Variants in ITGB5 observed in about 807,000 individuals in gnomAD.
ITGB5 encodes the protein integrin subunit beta 5, also known as integrin beta-5.
Under a neutral mutation model 84.8 loss-of-function variants are expected in ITGB5, and 38 were observed. The ratio of observed to expected loss-of-function variants is 0.45; its 90% CI spans 0.35 to 0.59. ITGB5 has a LOEUF of 0.59. ITGB5 is among the 20% of genes least tolerant of loss of function. ITGB5 has a pLI of 0.01. For missense variants in ITGB5, 905 were observed against 1,034.5 expected (o/e 0.87, Z 1.72); for synonymous variants, 393 against 414.4 (o/e 0.95, Z 0.63).
At chr3:124,780,149 G>A (rs1465384101) in intron 10 of ITGB5, among the ~76,000 whole-genome samples, 1 of 121,786 alleles carries the variant, frequency 8.2e-6, no homozygotes, top group Admixed American at 7.7e-5. Flanking sequence ...GCAGGGCACA[G>A]GGACCATGGG....
chr3:124,788,907 C>T (rs1467523050), intron 10 of ITGB5, among the ~76,000 whole-genome samples: 2 of 152,192 alleles, frequency 1.3e-5, no homozygotes, highest in Non-Finnish European at 2.9e-5. Flanking sequence ...AGCCTAGGTT[C>T]ATTCAAAAGG....
rs115295913 is a variant in ITGB5 at position 124,843,471 on chromosome 3, C to T, written c.612-1920G>A. Among the ~76,000 whole-genome samples the T allele has an allele frequency of 5.4e-3, 827 of 152,316 alleles. 10 individuals carry two copies. Among genetic ancestry groups the T allele is most frequent in the African/African-American group, 0.019 (787 of 41,564 alleles). On this transcript the variant is annotated intron_variant, in intron 4 of 14. Transcript: ENST00000296181. ...CTCAGCTACAGCTCAGCATGTTTTACCTCCTCCCTTTCACTCCCGCAAACA... is the reference window on the plus strand; with the variant it reads ...CTCAGCTACAGCTCAGCATGTTTTATCTCCTCCCTTTCACTCCCGCAAACA...
upstream of ITGB5, among the ~76,000 whole-genome samples, chr3:124,889,727 T>A (rs890576327): frequency 3.3e-5 from 5 of 152,190 alleles, no homozygotes; most frequent in East Asian, 5.8e-4. Context: ...TGATTATAAA[T>A]AATGGGGCCA....
chr3:124,804,521 C>CT (rs1435755585), intron 9 of ITGB5, among the ~76,000 whole-genome samples: 2 of 151,932 alleles, frequency 1.3e-5, no homozygotes, highest in Non-Finnish European at 2.9e-5. Flanking sequence ...GTACTGCAGC[C>CT]TGGTAACAAG....
At chr3:124,802,955 G>C (rs928704771) in intron 9 of ITGB5, among the ~76,000 whole-genome samples, 3 of 152,058 alleles carry the variant, frequency 2.0e-5, no homozygotes, top group South Asian at 2.1e-4. Flanking sequence ...GGGCCAGCTC[G>C]GGTCAGTTGC....
At position 124,894,196 on chromosome 3, in the gene ITGB5, G is replaced by A. The variant is rs563812769; in HGVS notation, c.-255+7070C>T. 2.1e-3 allele frequency among the ~76,000 whole-genome samples: 286 copies of A among 135,128 alleles called. 2 individuals carry two copies. The highest frequency in any genetic ancestry group is 3.0e-3 in the Non-Finnish European group (192 of 65,060). 88.6% of individuals were successfully genotyped at this position (135,128 alleles called of 152,430 possible). ...CACCCAGGCTGGAGTGCAGTGGCAC[G>A]ATCTCGGCTCACTGCAAGCTCCGCC... On this transcript the variant is annotated intron_variant, in intron 1 of 4. Coordinates refer to the ITGB5 transcript ENST00000608657.
At chr3:124,856,311 T>C (rs879745158) in intron 3 of ITGB5, among the ~76,000 whole-genome samples, 1 of 152,236 alleles carries the variant, frequency 6.6e-6, no homozygotes, top group Non-Finnish European at 1.5e-5. Context: ...TATTAAAGTG[T>C]GGACATCTTT....
At chr3:124,773,974 C>CTGG in intron 10 of ITGB5, 62 bp from the exon 11 acceptor site, 1 of 1,449,738 alleles carries the variant, frequency 6.9e-7, no homozygotes. Flanking sequence ...ACATAACCAT[C>CTGG]TGGTGCCCCA....
At chr3:124,893,449 A>C (rs966120924) in intron 1 of ITGB5, among the ~76,000 whole-genome samples, 9 of 152,134 alleles carry the variant, frequency 5.9e-5, no homozygotes, top group Middle Eastern at 3.2e-3. Flanking sequence ...TTATTTGAAA[A>C]ATACCAAATT....
At chr3:124,764,051 C>G (rs559702060) in intron 14 of ITGB5, among the ~76,000 whole-genome samples, 1 of 152,286 alleles carries the variant, frequency 6.6e-6, no homozygotes, top group Middle Eastern at 3.4e-3. Context: ...CTGGGGTGAC[C>G]AGACTGCAGG....
At chr3:124,823,608 C>T (rs1049428737) in intron 5 of ITGB5, among the ~76,000 whole-genome samples, 3 of 148,902 alleles carry the variant, frequency 2.0e-5, no homozygotes, top group Non-Finnish European at 3.0e-5. Flanking sequence ...GAGCATTTAT[C>T]GAGATGTATA....
chr3:124,900,464 T>C (rs1935193842), intron 1 of ITGB5, among the ~76,000 whole-genome samples: 1 of 152,248 alleles, frequency 6.6e-6, no homozygotes, highest in African/African-American at 2.4e-5. Flanking sequence ...GCAGAGAATT[T>C]CCTTATTGGC....
At chr3:124,839,140 A>G (rs1429380559) in intron 5 of ITGB5, among the ~76,000 whole-genome samples, 1 of 152,374 alleles carries the variant, frequency 6.6e-6, no homozygotes, top group East Asian at 1.9e-4. Flanking sequence ...CATTGGCTGC[A>G]TAATTCTGAG....
At chr3:124,811,201 C>A (rs965161306) in intron 8 of ITGB5, among the ~76,000 whole-genome samples, 1 of 152,134 alleles carries the variant, frequency 6.6e-6, no homozygotes, top group Non-Finnish European at 1.5e-5. Context: ...TAGCTATTTG[C>A]AGATCTGTCT....
chr3:124,873,704 G>C (rs1440402578), intron 1 of ITGB5, among the ~76,000 whole-genome samples, 173 bp from the exon 2 acceptor site: 1 of 152,112 alleles, frequency 6.6e-6, no homozygotes, highest in East Asian at 1.9e-4. Context: ...GCTGAACATT[G>C]AGTTTTTGAA....
chr3:124,808,915 G>A lies in ITGB5; in HGVS notation c.1263+107C>T, dbSNP rs893118220. The A allele has an allele frequency of 6.7e-5, 83 of 1,247,174 alleles. No individual in the cohort carries two copies. The East Asian group carries it at 1.9e-3, about 28-fold the overall frequency. The allele number at this position is 1,247,174 out of a possible 1,614,324, so 77.3% of individuals were successfully genotyped here. On this transcript the variant is annotated intron_variant, in intron 9 of 14. Coordinates refer to ENST00000296181, the MANE Select transcript of ITGB5 (RefSeq NM_002213.5). ...CTCTGGGATGCTGAATTGGAAAACA[G>A]AATATAAATTCCGAAAGGACTCTTA...
At chr3:124,785,587 A>AC in intron 10 of ITGB5, among the ~76,000 whole-genome samples, 1 of 150,230 alleles carries the variant, frequency 6.7e-6, no homozygotes, top group African/African-American at 2.4e-5. Flanking sequence ...TCCATCTCAA[A>AC]AAAAAAAAAA....
intron 4 of ITGB5, among the ~76,000 whole-genome samples, chr3:124,843,980 A>G (rs1345391236): frequency 1.3e-5 from 2 of 152,196 alleles, no homozygotes; most frequent in Non-Finnish European, 2.9e-5. Context: ...CCTCAGGAGA[A>G]TATCATGGAT....
intron 9 of ITGB5, among the ~76,000 whole-genome samples, chr3:124,802,868 G>A (rs908371191): frequency 6.6e-6 from 1 of 152,100 alleles, no homozygotes. Context: ...CACAGCCCTC[G>A]CAGTGGAGTC....
Sources: gnomAD v4.1 joint callset for allele counts (sites outside exome capture counted in the v4.1 genomes callset) on GRCh38, gnomAD v4.1.1 for gene constraint, MANE v1.5 for transcripts, NCBI Gene and HGNC (gene_info 2026-07-23, HGNC 2026-07-21) for gene names.